The following ATRNL1 variants were observed in gnomAD, a reference collection of about 807,000 sequenced individuals.
The protein encoded by ATRNL1 is attractin like 1.
Under a neutral mutation model 182.7 loss-of-function variants are expected in ATRNL1, and 95 were observed. That is an observed-to-expected ratio of 0.52 (90% confidence interval 0.44 to 0.62). ATRNL1 has a LOEUF of 0.62. Ranked by LOEUF, ATRNL1 falls within the 20% of genes least tolerant of loss-of-function variation. The pLI is 0.00. For synonymous variants in ATRNL1, 576 were observed against 568.3 expected (o/e 1.01, Z -0.19); for missense variants, 1,471 against 1,679.5 (o/e 0.88, Z 2.17).
intron 28 of ATRNL1, among the ~76,000 whole-genome samples, chr10:115,938,430 A>C (rs1953628048): frequency 6.6e-6 from 1 of 152,246 alleles, no homozygotes; most frequent in African/African-American, 2.4e-5. Flanking sequence ...ACATGTTTCA[A>C]GAGAAATAAA....
intron 8 of ATRNL1, among the ~76,000 whole-genome samples, chr10:115,187,959 C>T (rs564372675): frequency 2.7e-5 from 4 of 149,896 alleles, no homozygotes; most frequent in East Asian, 4.0e-4. Flanking sequence ...GGATTATAGG[C>T]GTGAGCCACC....
chr10:115,300,582 G>A (rs1344560612), intron 16 of ATRNL1, among the ~76,000 whole-genome samples: 2 of 152,010 alleles, frequency 1.3e-5, no homozygotes, highest in African/African-American at 2.4e-5. Context: ...ATGGCTAATT[G>A]GGACTCCTTT....
At chr10:115,469,120 A>T (rs1003180655) in intron 23 of ATRNL1, 52 bp from the exon 24 acceptor site, 7 of 702,912 alleles carry the variant, frequency 1.0e-5, no homozygotes, top group Admixed American at 4.0e-5. Context: ...TGCATTTTTA[A>T]ATTCATAAAG....
chr10:115,294,440 C>CT (rs1853078584), intron 15 of ATRNL1, among the ~76,000 whole-genome samples: 1 of 151,962 alleles, frequency 6.6e-6, no homozygotes, highest in African/African-American at 2.4e-5. Context: ...TTATTTTGTT[C>CT]TTTTTTTCTG....
chr10:115,538,281 T>TTA (rs1852158267), intron 25 of ATRNL1, among the ~76,000 whole-genome samples: 1 of 152,198 alleles, frequency 6.6e-6, no homozygotes, highest in South Asian at 2.1e-4. Context: ...CCACTGTTTT[T>TTA]CAGAGTGACT....
intron 26 of ATRNL1, among the ~76,000 whole-genome samples, chr10:115,646,036 TACACACAC>T (rs58679995): frequency 7.1e-5 from 10 of 141,550 alleles, no homozygotes; most frequent in Non-Finnish European, 1.2e-4. Context: ...TTTTAAAATT[TACACACAC>T]ACACACACAC....
chr10:115,748,791 C>A lies in ATRNL1; in HGVS notation c.3903+21436C>A, dbSNP rs146606065. Among the ~76,000 whole-genome samples, 1,342 of 152,004 alleles carry A rather than the reference C, an allele frequency of 8.8e-3. 31 individuals carry two copies. The highest frequency in any genetic ancestry group is 0.049 in the South Asian group (236 of 4,820). ...GCATTGCCGATGCCTTTAAGTGAAC[C>A]AATCGATTATACAGCATTATGTTTA... On this transcript the variant is annotated intron_variant, in intron 27 of 28. Transcript: ENST00000355044.
chr10:115,876,812 G>A (rs1050243122), intron 28 of ATRNL1, among the ~76,000 whole-genome samples: 2 of 152,130 alleles, frequency 1.3e-5, no homozygotes, highest in East Asian at 3.8e-4. Flanking sequence ...TTTGTTCTCT[G>A]AATATTCTCT....
intron 19 of ATRNL1, among the ~76,000 whole-genome samples, chr10:115,348,812 A>G (rs1430011232): frequency 6.6e-6 from 1 of 152,132 alleles, no homozygotes; most frequent in Non-Finnish European, 1.5e-5. Flanking sequence ...CATTTCTTCA[A>G]TATTTAAAAA....
rs567969818 is a variant in ATRNL1 at position 115,520,783 on chromosome 10, G to A, written c.3716+1459G>A. ...TTCAGATTTGTAAAGTATTTTCTAC[G>A]GTTTACACATTCCTTGTTCATTTTT... On this transcript the variant is annotated intron_variant, in intron 25 of 28. Coordinates refer to ENST00000355044, the MANE Select transcript of ATRNL1 (RefSeq NM_207303.4). 2.0e-4 allele frequency among the ~76,000 whole-genome samples: 30 copies of A among 151,940 alleles called. No homozygotes were observed. In the East Asian group the frequency reaches 2.5e-3, roughly 13 times the overall value.
At chr10:115,894,189 C>T (rs184314838) in intron 28 of ATRNL1, among the ~76,000 whole-genome samples, 20 of 152,224 alleles carry the variant, frequency 1.3e-4, no homozygotes, top group Admixed American at 1.2e-3. Flanking sequence ...TGTTGAAGGT[C>T]CACTGTCCAC....
intron 1 of ATRNL1, among the ~76,000 whole-genome samples, chr10:115,115,440 G>C (rs1370379941): frequency 1.3e-5 from 2 of 152,012 alleles, no homozygotes; most frequent in African/African-American, 2.4e-5. Context: ...GTGGGGTGAT[G>C]GGTATGTTAA....
At chr10:115,887,543 A>G (rs1472580874) in intron 28 of ATRNL1, among the ~76,000 whole-genome samples, 1 of 152,014 alleles carries the variant, frequency 6.6e-6, no homozygotes, top group Non-Finnish European at 1.5e-5. Flanking sequence ...TGACCTAATC[A>G]TCTCCTAAAG....
intron 19 of ATRNL1, among the ~76,000 whole-genome samples, chr10:115,372,010 C>A (rs543779168): frequency 6.6e-6 from 1 of 152,148 alleles, no homozygotes; most frequent in Non-Finnish European, 1.5e-5. Context: ...TTTCTCTGCA[C>A]AAGCTCTCTT....
At position 115,690,169 on chromosome 10, in the gene ATRNL1, C is replaced by T. The variant is rs74936965; in HGVS notation, c.3796-37079C>T. Among the ~76,000 whole-genome samples the T allele has an allele frequency of 5.6e-3, 857 of 152,186 alleles. 7 individuals carry two copies. The highest frequency in any genetic ancestry group is 0.019 in the African/African-American group (804 of 41,526). ...TGTTTCCTTTGTCCCACGGATGGTG[C>T]GCTGTACCATCCTTTCCCCAGGAAA... On this transcript the variant is annotated intron_variant, in intron 26 of 28. Transcript: ENST00000355044.
intron 25 of ATRNL1, among the ~76,000 whole-genome samples, chr10:115,541,121 G>A (rs1248621838): frequency 6.6e-6 from 1 of 152,062 alleles, no homozygotes; most frequent in African/African-American, 2.4e-5. Context: ...GCATTATGAC[G>A]AGTCAAGTCA....
At chr10:115,553,908 T>C (rs1554996277) in intron 26 of ATRNL1, among the ~76,000 whole-genome samples, 1 of 151,506 alleles carries the variant, frequency 6.6e-6, no homozygotes, top group African/African-American at 2.4e-5. Context: ...AGCAGTGTTT[T>C]ATAAATTAAA....
In ATRNL1 at chr10:115,319,386, G is replaced by A. The variant is rs1190495250; in HGVS notation, c.3037+3650G>A. On this transcript the variant is annotated intron_variant, in intron 18 of 28. Coordinates refer to ENST00000355044, the MANE Select transcript of ATRNL1 (RefSeq NM_207303.4). ...CTGTTGATTTGGGGTGGAGAGTTTT[G>A]TAGAAGTCTATTAGGTCCACCTGAT... 4.6e-5 allele frequency among the ~76,000 whole-genome samples: 7 copies of A among 152,308 alleles called. No homozygotes were observed. The East Asian group carries it at 1.2e-3, about 25-fold the overall frequency.
intron 27 of ATRNL1, among the ~76,000 whole-genome samples, chr10:115,802,241 T>C (rs1555084551): frequency 6.6e-6 from 1 of 152,142 alleles, no homozygotes; most frequent in Non-Finnish European, 1.5e-5. Context: ...GCTGATTTTG[T>C]TGATATTCTG....
Sources: gnomAD v4.1 joint callset for allele counts (sites outside exome capture counted in the v4.1 genomes callset) on GRCh38, gnomAD v4.1.1 for gene constraint, MANE v1.5 for transcripts, NCBI Gene and HGNC (gene_info 2026-07-23, HGNC 2026-07-21) for gene names.